IL12RB2: variants seen among roughly 807,000 people sequenced by gnomAD.
IL12RB2 encodes the protein interleukin-12 receptor subunit beta-2.
Under a neutral mutation model 89.4 loss-of-function variants are expected in IL12RB2, and 82 were observed. That is an observed-to-expected ratio of 0.92 (90% CI 0.77 to 1.10). The LOEUF is 1.10. Among genes scored for constraint, IL12RB2 ranks in the 50% least tolerant of loss-of-function variants. The pLI, the probability that IL12RB2 is intolerant of heterozygous loss-of-function variation, is 0.00. For synonymous variants in IL12RB2, 368 were observed against 370.1 expected, an observed-to-expected ratio of 0.99 and a Z score of 0.07; for missense variants, 963 against 1,031.9, an observed-to-expected ratio of 0.93 and a Z score of 0.92.
At chr1:67,342,526 T>G (rs555474713) in intron 9 of IL12RB2, among the ~76,000 whole-genome samples, 3 of 151,942 alleles carry the variant, frequency 2.0e-5, no homozygotes, top group Admixed American at 1.3e-4. Flanking sequence ...AGTGTAAGGA[T>G]GTGAGTGTGT....
chr1:67,312,670 A>C (rs1324513510), intron 1 of IL12RB2, among the ~76,000 whole-genome samples: 2 of 150,964 alleles, frequency 1.3e-5, no homozygotes, highest in African/African-American at 4.9e-5. Flanking sequence ...AAAGGAAGTT[A>C]AGAAAAAAAA....
At chr1:67,342,201 T>C (rs1659706363) in intron 9 of IL12RB2, among the ~76,000 whole-genome samples, 1 of 151,472 alleles carries the variant, frequency 6.6e-6, no homozygotes, top group Non-Finnish European at 1.5e-5. Context: ...GGGTTTTTTG[T>C]TTTTTGGGTT....
At chr1:67,363,579 T>C (rs2100949946) in intron 10 of IL12RB2, among the ~76,000 whole-genome samples, 1 of 152,344 alleles carries the variant, frequency 6.6e-6, no homozygotes, top group East Asian at 1.9e-4. Context: ...ATAGTAACAA[T>C]GTATTTGATT....
At chr1:67,390,942 C>T (rs1665746264) in intron 16 of IL12RB2, among the ~76,000 whole-genome samples, 1 of 152,114 alleles carries the variant, frequency 6.6e-6, no homozygotes, top group African/African-American at 2.4e-5. Flanking sequence ...CGAGTATGTT[C>T]TGTCATCCAC....
At chr1:67,320,273 TTTTGGCTC>T in intron 2 of IL12RB2, 52 bp from the exon 3 acceptor site, 1 of 1,606,880 alleles carries the variant, frequency 6.2e-7, no homozygotes, top group Non-Finnish European at 8.5e-7. Context: ...TTCTGAGCTA[TTTTGGCTC>T]TGGTATTTTC....
At chr1:67,351,115 T>C in intron 10 of IL12RB2, 26 bp downstream of exon 10, 1 of 1,610,414 alleles carries the variant, frequency 6.2e-7, no homozygotes, top group South Asian at 1.1e-5. Flanking sequence ...TCTTTAACAT[T>C]GCCTGTGGAA....
In IL12RB2 at chr1:67,395,895, G is replaced by A. The variant is rs1031438914; in HGVS notation, c.2395G>A (p.Gly799Ser). 1.2e-6 allele frequency: 2 copies of A among 1,609,208 alleles called. No homozygotes were observed. Among genetic ancestry groups the A allele is most frequent in the Non-Finnish European group, 1.7e-6 (2 of 1,175,970 alleles). The change falls in exon 17 of 17, where the codon GGC becomes AGC. Residue 799 changes from glycine to serine, a missense_variant. Transcript: ENST00000674203. Reference protein sequence around the residue: ...LPAGDLPTHDGYLPSNIDDLP... With the variant: ...LPAGDLPTHDSYLPSNIDDLP... ...AGCAGGTGACCTTCCCACCCATGAT[G>A]GCTACTTACCCTCCAACATAGATGA...
chr1:67,308,474 C>G (rs1654578555), intron 1 of IL12RB2, among the ~76,000 whole-genome samples: 1 of 152,142 alleles, frequency 6.6e-6, no homozygotes, highest in African/African-American at 2.4e-5. Context: ...TCTCAGCAGT[C>G]TTTCCTGTGG....
At chr1:67,332,011 T>G (rs1054602302) in intron 8 of IL12RB2, among the ~76,000 whole-genome samples, 2 of 152,164 alleles carry the variant, frequency 1.3e-5, no homozygotes, top group African/African-American at 4.8e-5. Flanking sequence ...TTTGTGAAAT[T>G]TATGGATATG....
In IL12RB2 at chr1:67,397,520, G is replaced by A. The variant is rs545142357; in HGVS notation, c.*1431G>A. Among the ~76,000 whole-genome samples the A allele has an allele frequency of 6.6e-6, 1 of 152,284 alleles. No individual in the cohort carries two copies. The highest frequency in any genetic ancestry group is 2.1e-4 in the South Asian group (1 of 4,818). ...CTGGTCCTCTGCCAGCTCAAGTTGA[G>A]CCTGGAAGATAACTCTCTTTTCCAC... On this transcript the variant is annotated 3_prime_UTR_variant, in exon 17 of 17. Coordinates refer to ENST00000674203, the MANE Select transcript of IL12RB2 (RefSeq NM_001374259.2).
Position 67,395,646 on chromosome 1 carries a change from C to A in IL12RB2, c.2146C>A (p.Pro716Thr). 1.1e-5 allele frequency: 18 copies of A among 1,614,196 alleles called. No homozygotes were observed. Among genetic ancestry groups the A allele is most frequent in the Non-Finnish European group, 1.5e-5 (18 of 1,180,040 alleles). ...CAGTGAAGTCCTTCATCAAGTGACC[C>A]CAGTTTTCAGACATCCCCCCTGCTC... ...VISEVLHQVTPVFRHPPCSNW... is the reference protein window; with the variant it reads ...VISEVLHQVTTVFRHPPCSNW... Residue 716 changes from proline (P) to threonine (T), a missense_variant, in exon 17 of 17, where the codon CCA becomes ACA. Coordinates refer to ENST00000674203, the MANE Select transcript of IL12RB2 (RefSeq NM_001374259.2).
At chr1:67,354,253 G>A (rs1661145085) in intron 10 of IL12RB2, among the ~76,000 whole-genome samples, 1 of 152,210 alleles carries the variant, frequency 6.6e-6, no homozygotes, top group Non-Finnish European at 1.5e-5. Flanking sequence ...AGCCAGGTGA[G>A]GGAGAGCAGG....
chr1:67,339,163 C>G (rs1659224176), intron 9 of IL12RB2, among the ~76,000 whole-genome samples: 1 of 152,166 alleles, frequency 6.6e-6, no homozygotes, highest in South Asian at 2.1e-4. Context: ...GAAAGCTGCT[C>G]TACTTTAGGA....
chr1:67,371,493 T>A (rs1300886787), intron 11 of IL12RB2, among the ~76,000 whole-genome samples: 1 of 152,078 alleles, frequency 6.6e-6, no homozygotes, highest in African/African-American at 2.4e-5. Flanking sequence ...CATTAATCAA[T>A]ACTGGGTAGG....
intron 16 of IL12RB2, among the ~76,000 whole-genome samples, chr1:67,390,381 A>G (rs1037309453): frequency 4.6e-5 from 7 of 151,062 alleles, no homozygotes; most frequent in African/African-American, 1.5e-4. Context: ...AGTATGCCTC[A>G]CTTTCCCCTT....
chr1:67,329,939 G>A (rs1303748328), intron 7 of IL12RB2, among the ~76,000 whole-genome samples: 3 of 152,036 alleles, frequency 2.0e-5, no homozygotes, highest in African/African-American at 7.2e-5. Flanking sequence ...TAAAGCTTTT[G>A]TAAACCAATA....
At chr1:67,352,894 C>G (rs6672670) in intron 10 of IL12RB2, among the ~76,000 whole-genome samples, 1 of 152,026 alleles carries the variant, frequency 6.6e-6, no homozygotes, top group Non-Finnish European at 1.5e-5. Context: ...CTCTTGTACA[C>G]GCTAGTGAGT....
rs907349626 is a variant in IL12RB2, at chr1:67,372,409, G to A, written c.1460-27G>A. ...GTGACTCACCAGTAATGGCACGGCT[G>A]TTATGGGAATTCCCTTTTCCTTGCA... is the stretch of plus-strand genomic sequence containing the variant. On this transcript the variant is annotated intron_variant, in intron 11 of 16. Transcript: ENST00000674203. 3 of 1,204,452 alleles carry A rather than the reference G, an allele frequency of 2.5e-6. No homozygotes were observed. In the Admixed American group the frequency reaches 5.0e-5, roughly 20 times the overall value. The allele number at this position is 1,204,452 out of a possible 1,614,324, so 74.6% of individuals were successfully genotyped here. A position where few individuals can be genotyped will look rare whatever the true frequency, so the allele number is the denominator to read the frequency against.
intron 14 of IL12RB2, among the ~76,000 whole-genome samples, chr1:67,380,968 G>A (rs905550550): frequency 6.6e-6 from 1 of 152,126 alleles, no homozygotes; most frequent in African/African-American, 2.4e-5. Flanking sequence ...TTCTGAGGCT[G>A]GGGGTTTAGG....
Sources: allele counts gnomAD v4.1 joint callset (sites outside exome capture counted in the v4.1 genomes callset), GRCh38; gene constraint gnomAD v4.1.1; transcripts MANE v1.5; gene names NCBI Gene and HGNC (gene_info 2026-07-23, HGNC 2026-07-21).